Variants in FBXO42 observed in about 807,000 individuals in gnomAD.
The protein encoded by FBXO42 is F-box only protein 42.
In FBXO42, 12 loss-of-function variants were observed where a neutral mutation model predicts 71.7. The observed-to-expected ratio is 0.17, with a 90% CI of 0.11 to 0.27. The LOEUF (loss-of-function observed/expected upper bound fraction) is 0.27, where lower values mean the gene tolerates loss of function less well. FBXO42 is among the 10% of genes least tolerant of loss of function. FBXO42 has a pLI of 1.00. For missense variants in FBXO42, 707 were observed against 911.9 expected (o/e 0.78, Z 2.89); for synonymous variants, 325 against 327.5 (o/e 0.99, Z 0.08).
At chr1:16,272,446 AC>A (rs1273897950) in intron 4 of FBXO42, among the ~76,000 whole-genome samples, 1 of 151,932 alleles carries the variant, frequency 6.6e-6, no homozygotes, top group Non-Finnish European at 1.5e-5. Flanking sequence ...TTAAGTAGAG[AC>A]CGGGTTTCAC....
chr1:16,315,372 T>C lies in FBXO42; in HGVS notation c.47A>G (p.Asp16Gly), dbSNP rs200686024. 1 of 1,614,066 alleles carries C rather than the reference T, an allele frequency of 6.2e-7. No individual in the cohort carries two copies. The highest frequency in any genetic ancestry group is 8.5e-7 in the Non-Finnish European group (1 of 1,180,044). The change falls in exon 2 of 10, where the codon GAC becomes GGC. Residue 16 changes from aspartate to glycine, a missense_variant. This residue lies in a region of FBXO42 where 188 missense variants were observed against 230.5 expected (regional missense o/e 0.82). Coordinates refer to ENST00000375592, the MANE Select transcript of FBXO42 (RefSeq NM_018994.3). ...CCCTTCCAGCACAGTTTCTTCCTGGTCCACAGCCATGAAACTGTCATCTTC... is the reference window on the plus strand; with the variant it reads ...CCCTTCCAGCACAGTTTCTTCCTGGCCCACAGCCATGAAACTGTCATCTTC... ...DSEDDSFMAV[D>G]QEETVLEGTM...
intron 2 of FBXO42, 99 bp from the exon 3 acceptor site, chr1:16,306,018 G>T: frequency 3.3e-6 from 3 of 905,076 alleles, no homozygotes; most frequent in Non-Finnish European, 5.2e-6. Flanking sequence ...TTTTATACAA[G>T]TTTCTTTTTT....
At chr1:16,263,182 G>A (rs79763483) in intron 4 of FBXO42, among the ~76,000 whole-genome samples, 4,635 of 151,970 alleles carry the variant, frequency 0.03, 216 homozygotes, top group African/African-American at 0.11. Flanking sequence ...GAGTGCCTAA[G>A]CCAGGCGCGG....
intron 1 of FBXO42, among the ~76,000 whole-genome samples, chr1:16,322,852 T>C (rs1316312754): frequency 6.6e-6 from 1 of 152,216 alleles, no homozygotes; most frequent in African/African-American, 2.4e-5. Flanking sequence ...GAAACTACTC[T>C]GAATTCATTG....
intron 1 of FBXO42, among the ~76,000 whole-genome samples, chr1:16,322,052 C>T (rs2082413319): frequency 6.6e-6 from 1 of 152,088 alleles, no homozygotes; most frequent in Non-Finnish European, 1.5e-5. Context: ...CGCCTGTAAT[C>T]CCAGCTACCT....
intron 4 of FBXO42, among the ~76,000 whole-genome samples, chr1:16,283,495 T>TTTTTTTTTGTTG (rs1553151404): frequency 4.8e-4 from 33 of 68,728 alleles, no homozygotes; most frequent in Admixed American, 2.5e-3. Context: ...CTGTGGCAAG[T>TTTTTTTTTGTTG]TTTTTTTTTT....
chr1:16,292,624 T>G (rs1279731079), intron 4 of FBXO42: 5 of 146,006 alleles, frequency 3.4e-5, no homozygotes, highest in Non-Finnish European at 7.6e-5. Flanking sequence ...CTTGATGGTT[T>G]AAAAAAAAAA....
At chr1:16,296,334 A>C (rs2082129240) in intron 3 of FBXO42, among the ~76,000 whole-genome samples, 1 of 152,182 alleles carries the variant, frequency 6.6e-6, no homozygotes, top group African/African-American at 2.4e-5. Flanking sequence ...TGTCATATAA[A>C]AGGAAGGGGA....
In FBXO42 at chr1:16,329,323, C is replaced by A. The variant is rs994823137; in HGVS notation, c.-17-13888G>T. Among the ~76,000 whole-genome samples, 5 of 151,996 alleles carry A rather than the reference C, an allele frequency of 3.3e-5. No individual in the cohort carries two copies. In the East Asian group the frequency reaches 7.7e-4, roughly 23 times the overall value. ...TACAGGCCAGGTGCTGTGGTTCATG[C>A]CTGTAATCCTAGCACTTTGGGAGAC... On this transcript the variant is annotated intron_variant, in intron 1 of 9. Coordinates refer to ENST00000375592, the MANE Select transcript of FBXO42 (RefSeq NM_018994.3).
chr1:16,310,852 C>G (rs959286582), intron 2 of FBXO42, among the ~76,000 whole-genome samples: 8 of 151,590 alleles, frequency 5.3e-5, no homozygotes, highest in South Asian at 2.1e-4. Context: ...CAGTGAAACC[C>G]TGTCTCTGCT....
chr1:16,276,226 A>T (rs1267742570), intron 4 of FBXO42, among the ~76,000 whole-genome samples: 1 of 151,872 alleles, frequency 6.6e-6, no homozygotes, highest in Non-Finnish European at 1.5e-5. Flanking sequence ...TAAAAATACA[A>T]AAAATTAGCC....
In FBXO42 at chr1:16,295,382, C is replaced by CT. The variant is rs917105869; in HGVS notation, c.368-466dup. Reference sequence around the variant, plus strand: ...CTGAAGCACAAATCAATAAATGAATCTTTTTTTTTTCTTTCTTTCTTTTTT... The same window carrying CT: ...CTGAAGCACAAATCAATAAATGAATCTTTTTTTTTTTCTTTCTTTCTTTTTT... On this transcript the variant is annotated intron_variant, in intron 3 of 9. Transcript: ENST00000375592. Among the ~76,000 whole-genome samples, 14 of 150,216 alleles carry CT rather than the reference C, an allele frequency of 9.3e-5. No homozygotes were observed. In the East Asian group the frequency reaches 1.2e-3, roughly 13 times the overall value.
chr1:16,324,811 G>A (rs752852612), intron 1 of FBXO42, among the ~76,000 whole-genome samples: 3 of 151,940 alleles, frequency 2.0e-5, no homozygotes, highest in African/African-American at 4.8e-5. Context: ...GCAAGACTCC[G>A]TTTCAAAAAA....
rs1189834330 is a variant in FBXO42, at chr1:16,250,323, A to G, written c.*347T>C. ...GGGGGCTCTTCAGTTTCTTTTGGGA[A>G]GTTACTGATGTTAGTCTATTCTCTA... On this transcript the variant is annotated 3_prime_UTR_variant, in exon 10 of 10. Coordinates refer to ENST00000375592, the MANE Select transcript of FBXO42 (RefSeq NM_018994.3). The surrounding 1 kb of genome is among the most constrained non-coding windows in gnomAD (Gnocchi z 4.7). The G allele has an allele frequency of 6.5e-6, 1 of 152,726 alleles. No homozygotes were observed. The highest frequency in any genetic ancestry group is 6.5e-5 in the Admixed American group (1 of 15,270). The allele number at this position is 152,726 out of a possible 1,614,324, so 9.5% of individuals were successfully genotyped here.
chr1:16,316,378 A>G (rs1177094744), intron 1 of FBXO42, among the ~76,000 whole-genome samples: 1 of 151,990 alleles, frequency 6.6e-6, no homozygotes, highest in Non-Finnish European at 1.5e-5. Context: ...AACTTTAGAA[A>G]CAAAAGACAT....
At chr1:16,315,676 C>T (rs1557599099) in intron 1 of FBXO42, among the ~76,000 whole-genome samples, 1 of 152,062 alleles carries the variant, frequency 6.6e-6, no homozygotes, top group Non-Finnish European at 1.5e-5. Context: ...GAGTGGCAGC[C>T]AAGTTCTGGT....
At position 16,305,783 on chromosome 1, in the gene FBXO42, C is replaced by T; in HGVS notation, c.367+20G>A. Reference sequence around the variant, plus strand: ...ATGACCACAGGCAGGGTGGAATCTGCTTTCACAGTAAATACTTACTGTGCG... The same window carrying T: ...ATGACCACAGGCAGGGTGGAATCTGTTTTCACAGTAAATACTTACTGTGCG... On this transcript the variant is annotated intron_variant, in intron 3 of 9. Coordinates refer to ENST00000375592, the MANE Select transcript of FBXO42 (RefSeq NM_018994.3). 1 of 1,592,880 alleles carries T rather than the reference C, an allele frequency of 6.3e-7. No homozygotes were observed. The highest frequency in any genetic ancestry group is 8.6e-7 in the Non-Finnish European group (1 of 1,160,894).
intron 2 of FBXO42, among the ~76,000 whole-genome samples, chr1:16,307,698 C>T (rs951905334): frequency 1.3e-5 from 2 of 151,924 alleles, no homozygotes. Context: ...CATATACATT[C>T]GCACCAAAAA....
intron 4 of FBXO42, among the ~76,000 whole-genome samples, chr1:16,266,257 T>G (rs1333560103): frequency 6.9e-6 from 1 of 145,642 alleles, no homozygotes; most frequent in Admixed American, 6.6e-5. Flanking sequence ...TTTAACTTAT[T>G]AATAAGGGAG....
Sources: allele counts gnomAD v4.1 joint callset (sites outside exome capture counted in the v4.1 genomes callset), GRCh38; gene constraint gnomAD v4.1.1; regional missense constraint gnomAD v4.1.1; non-coding constraint Gnocchi (gnomAD v3.1); transcripts MANE v1.5; gene names NCBI Gene and HGNC (gene_info 2026-07-23, HGNC 2026-07-21).